PDSS2: variants seen among roughly 807,000 people sequenced by gnomAD.
PDSS2 encodes decaprenyl diphosphate synthase subunit 2, also known as all trans-polyprenyl-diphosphate synthase PDSS2.
A neutral mutation model predicts 44.5 loss-of-function variants in PDSS2; 31 were observed. The observed-to-expected ratio is 0.70, with a 90% confidence interval of 0.52 to 0.94. The LOEUF (loss-of-function observed/expected upper bound fraction) is 0.94. PDSS2 is among the 40% of genes least tolerant of loss of function. The pLI, the probability that PDSS2 is intolerant of heterozygous loss-of-function variation, is 0.00. For missense variants in PDSS2, 452 were observed against 482.2 expected (o/e 0.94, Z 0.59); for synonymous variants, 157 against 180.3 (o/e 0.87, Z 1.03).
At chr6:107,189,953 A>G (rs938532021) in intron 7 of PDSS2, among the ~76,000 whole-genome samples, 1 of 152,120 alleles carries the variant, frequency 6.6e-6, no homozygotes, top group African/African-American at 2.4e-5. Context: ...GTGTGGTGAC[A>G]CATATCTGTA....
chr6:107,429,132 G>A (rs1781092504), intron 1 of PDSS2, among the ~76,000 whole-genome samples: 1 of 152,132 alleles, frequency 6.6e-6, no homozygotes, highest in South Asian at 2.1e-4. Flanking sequence ...AGAGAAATCA[G>A]GGAATGCTTA....
intron 2 of PDSS2, among the ~76,000 whole-genome samples, chr6:107,274,907 A>G (rs1045635127): frequency 2.6e-5 from 4 of 152,168 alleles, no homozygotes; most frequent in Non-Finnish European, 5.9e-5. Flanking sequence ...TCCTGAGCTC[A>G]GGTGATCTAC....
intron 4 of PDSS2, among the ~76,000 whole-genome samples, chr6:107,241,125 T>TGTAGTC (rs1279905540): frequency 1.3e-5 from 2 of 151,206 alleles, no homozygotes; most frequent in East Asian, 4.0e-4. Flanking sequence ...GGTGTGTGCC[T>TGTAGTC]GTAGTCCCAA....
At chr6:107,267,294 T>C (rs1427940861) in intron 3 of PDSS2, among the ~76,000 whole-genome samples, 3 of 152,226 alleles carry the variant, frequency 2.0e-5, no homozygotes, top group African/African-American at 7.2e-5. Flanking sequence ...GAGCTGGTCA[T>C]GTGCAGCTCA....
intron 1 of PDSS2, among the ~76,000 whole-genome samples, chr6:107,345,337 T>C (rs372678247): frequency 2.0e-5 from 3 of 148,526 alleles, no homozygotes; most frequent in African/African-American, 7.5e-5. Flanking sequence ...TCATCTAGTA[T>C]GTAGGCCTGT....
intron 1 of PDSS2, among the ~76,000 whole-genome samples, chr6:107,367,979 T>C (rs573468739): frequency 6.6e-6 from 1 of 151,692 alleles, no homozygotes; most frequent in East Asian, 2.0e-4. Flanking sequence ...TAAAAAACTA[T>C]TGTATTTCAG....
At chr6:107,247,786 G>C (rs1295104478) in intron 3 of PDSS2, among the ~76,000 whole-genome samples, 2 of 147,530 alleles carry the variant, frequency 1.4e-5, no homozygotes, top group Admixed American at 6.9e-5. Context: ...TGGATCACCT[G>C]AGGTCAGGAG....
rs73511160 is a variant in PDSS2, at chr6:107,315,020, C to T, written c.431+19178G>A. 5.7e-3 allele frequency among the ~76,000 whole-genome samples: 865 copies of T among 152,282 alleles called. 6 individuals carry two copies. The highest frequency in any genetic ancestry group is 0.02 in the African/African-American group (846 of 41,554). ...AAATTAAAGTTAATGAAGTACCAACCTGTACTTTAAAATGTCTTGTTTACA... is the reference window on the plus strand; with the variant it reads ...AAATTAAAGTTAATGAAGTACCAACTTGTACTTTAAAATGTCTTGTTTACA... On this transcript the variant is annotated intron_variant, in intron 2 of 7. Transcript: ENST00000369037.
chr6:107,339,894 A>C (rs1052845982), intron 1 of PDSS2, among the ~76,000 whole-genome samples: 1 of 152,190 alleles, frequency 6.6e-6, no homozygotes, highest in Non-Finnish European at 1.5e-5. Context: ...GTATTTTATT[A>C]AGCAGCCAGT....
intron 1 of PDSS2, among the ~76,000 whole-genome samples, chr6:107,399,238 C>T (rs1232376632): frequency 6.6e-6 from 1 of 152,182 alleles, no homozygotes; most frequent in Non-Finnish European, 1.5e-5. Context: ...GGCCCTTAGC[C>T]TCTAACAAGG....
At position 107,211,956 on chromosome 6, in the gene PDSS2, T is replaced by G. The variant is rs3734678; in HGVS notation, c.876+153A>C. 0.17 allele frequency among the ~76,000 whole-genome samples: 25,726 copies of G among 152,168 alleles called. 2,459 individuals carry two copies. The highest frequency in any genetic ancestry group is 0.24 in the Admixed American group (3,602 of 15,276). On this transcript the variant is annotated intron_variant, in intron 5 of 7. Coordinates refer to ENST00000369037, the MANE Select transcript of PDSS2 (RefSeq NM_020381.4). ...CACAATACTTAGCAATTATACTATT[T>G]ACATTACATAACAATCATCCAGGAC...
At chr6:107,412,285 G>A (rs1451517299) in intron 1 of PDSS2, among the ~76,000 whole-genome samples, 3 of 139,358 alleles carry the variant, frequency 2.2e-5, no homozygotes, top group Non-Finnish European at 4.6e-5. Flanking sequence ...TGTCGCCCAG[G>A]CTGCAGTGCA....
intron 7 of PDSS2, among the ~76,000 whole-genome samples, chr6:107,189,537 C>A (rs975580802): frequency 6.6e-6 from 1 of 152,094 alleles, no homozygotes; most frequent in Non-Finnish European, 1.5e-5. Context: ...GGGGTTTCAC[C>A]ATGTTGATCA....
chr6:107,201,859 A>G (rs1344131519), intron 6 of PDSS2, among the ~76,000 whole-genome samples: 1 of 152,174 alleles, frequency 6.6e-6, no homozygotes, highest in African/African-American at 2.4e-5. Context: ...GAAAGAATAC[A>G]ATGAACACTC....
intron 2 of PDSS2, among the ~76,000 whole-genome samples, chr6:107,291,080 A>G (rs1452937849): frequency 1.3e-5 from 2 of 152,186 alleles, no homozygotes; most frequent in African/African-American, 2.4e-5. Flanking sequence ...TGTGCCGGGT[A>G]AAAGAATCTT....
intron 1 of PDSS2, among the ~76,000 whole-genome samples, chr6:107,392,624 T>G (rs1318995140): frequency 6.6e-6 from 1 of 152,110 alleles, no homozygotes; most frequent in African/African-American, 2.4e-5. Flanking sequence ...GTCAAATAAT[T>G]TTTCATAAGG....
intron 7 of PDSS2, among the ~76,000 whole-genome samples, chr6:107,188,014 G>A (rs967453727): frequency 6.6e-6 from 1 of 152,222 alleles, no homozygotes; most frequent in Non-Finnish European, 1.5e-5. Flanking sequence ...GGGAGCTTGT[G>A]ATGGCAAACC....
intron 3 of PDSS2, among the ~76,000 whole-genome samples, chr6:107,256,135 T>G (rs547353263): frequency 6.6e-6 from 1 of 152,018 alleles, no homozygotes; most frequent in Non-Finnish European, 1.5e-5. Flanking sequence ...GGGCTACAGG[T>G]GCATGCCACC....
At position 107,384,753 on chromosome 6, in the gene PDSS2, A is replaced by AAC. The variant is rs982614515; in HGVS notation, c.297-50423_297-50422dup. Among the ~76,000 whole-genome samples the AAC allele has an allele frequency of 5.3e-5, 8 of 151,988 alleles. No homozygotes were observed. The South Asian group carries it at 8.3e-4, about 16-fold the overall frequency. On this transcript the variant is annotated intron_variant, in intron 1 of 7. Transcript: ENST00000369037. Reference sequence around the variant, plus strand: ...TCTAAATAAAGTTGTTATTAATATTAACACACACACACTCACACTCACACA... The same window carrying AAC: ...TCTAAATAAAGTTGTTATTAATATTAACACACACACACACTCACACTCACACA...
Sources: gnomAD v4.1 joint callset for allele counts (sites outside exome capture counted in the v4.1 genomes callset) on GRCh38, gnomAD v4.1.1 for gene constraint, MANE v1.5 for transcripts, NCBI Gene and HGNC (gene_info 2026-07-23, HGNC 2026-07-21) for gene names.